The following AKAP17A variants were observed in gnomAD, a reference collection of about 807,000 sequenced individuals.
AKAP17A encodes A-kinase anchoring protein 17A.
AKAP17A carries 15 observed loss-of-function variants against 52.2 expected under a neutral mutation model. That is an observed-to-expected ratio of 0.29 (90% CI 0.19 to 0.44). The LOEUF is 0.44. Ranked by LOEUF, AKAP17A falls within the 20% of genes least tolerant of loss-of-function variation. AKAP17A has a pLI of 1.00. For missense variants in AKAP17A, 1,060 were observed against 1,007.0 expected, an observed-to-expected ratio of 1.05 and a Z score of -0.71; for synonymous variants, 514 against 424.7, an observed-to-expected ratio of 1.21 and a Z score of -2.58.
chrX:1,599,536 C>T (rs1484090761), intron 4 of AKAP17A, 104 bp downstream of exon 4: 1 of 1,489,768 alleles, frequency 6.7e-7, no homozygotes, highest in Admixed American at 2.0e-5. Flanking sequence ...CCGCCGGCTG[C>T]AGCTGTAGCT....
chrX:1,599,462 G>C lies in AKAP17A; in HGVS notation c.1152+30G>C, dbSNP rs760811575. On this transcript the variant is annotated intron_variant, in intron 4 of 4. Coordinates refer to ENST00000313871, the MANE Select transcript of AKAP17A (RefSeq NM_005088.3). ...CCGGGGGCTCCCTCTGCAGCCGCCA[G>C]CCGCGCCCGGGCTGCCCTCAGTGCC... 357 of 1,553,538 alleles carry C rather than the reference G, an allele frequency of 2.3e-4. 1 individual carries two copies. The South Asian group carries it at 4.1e-3, about 18-fold the overall frequency.
Position 1,600,604 on chromosome X carries a change from C to T in AKAP17A, c.1153-55C>T, listed in dbSNP as rs1201607479. On this transcript the variant is annotated intron_variant, in intron 4 of 4. Coordinates refer to ENST00000313871, the MANE Select transcript of AKAP17A (RefSeq NM_005088.3). ...AAACACCTTCCCAGCTCCTGTCCCA[C>T]GTGTCCGGCCAGGCTCAGGAACCGG... is the stretch of plus-strand genomic sequence containing the variant. 5.1e-5 allele frequency: 74 copies of T among 1,450,108 alleles called. No individual in the cohort carries two copies. The Admixed American group carries it at 8.4e-4, about 16-fold the overall frequency. 89.8% of individuals were successfully genotyped at this position (1,450,108 alleles called of 1,614,324 possible).
At chrX:1,599,167 A>G (rs1412914341) in intron 3 of AKAP17A, 25 bp from the exon 4 acceptor site, 38 of 1,605,366 alleles carry the variant, frequency 2.4e-5, no homozygotes, top group Non-Finnish European at 3.1e-5. Context: ...GCTCTCTGTG[A>G]CCACCCCCGG....
intron 4 of AKAP17A, 135 bp from the exon 5 acceptor site, chrX:1,600,523 CT>C (rs1355969217): frequency 2.1e-6 from 2 of 938,328 alleles, no homozygotes; most frequent in Non-Finnish European, 3.1e-6. Context: ...CCCCCCACCC[CT>C]GGGCTGGAGT....
chrX:1,601,818 G>T lies in AKAP17A; in HGVS notation c.*224G>T, dbSNP rs1933403010. 1 of 420,824 alleles carries T rather than the reference G, an allele frequency of 2.4e-6. No homozygotes were observed. The allele number at this position is 420,824 out of a possible 1,614,324, so 26.1% of individuals were successfully genotyped here. A position where few individuals can be genotyped will look rare whatever the true frequency, so the allele number is the denominator to read the frequency against. ...TTGGCACTTCAGTTTCAAACACGTA[G>T]TCCTTTAAAACTTGATCCGATAGCT... On this transcript the variant is annotated 3_prime_UTR_variant, in exon 5 of 5. Coordinates refer to ENST00000313871, the MANE Select transcript of AKAP17A (RefSeq NM_005088.3).
Position 1,593,733 on chromosome X carries a change from T to C in AKAP17A, c.271T>C (p.Ser91Pro). The change falls in exon 2 of 5, where the codon TCT becomes CCT. Residue 91 changes from serine to proline, a missense_variant. Physicochemically the swap from Ser to Pro is moderately conservative, Grantham distance 74 (BLOSUM62 -1). Around this residue, in one of 2 missense-constraint regions of AKAP17A, gnomAD observed 267 missense variants for 377.1 expected, o/e 0.71. Coordinates refer to ENST00000313871, the MANE Select transcript of AKAP17A (RefSeq NM_005088.3). ...GGTGGAGAACAAGAGCCTGGTCAAG[T>C]CTTTTCTGGCCTGCCTGGACGGCAA... is the stretch of plus-strand genomic sequence containing the variant. ...GEVENKSLVK[S>P]FLACLDGKTI... 1.9e-6 allele frequency: 3 copies of C among 1,613,940 alleles called. No homozygotes were observed. Among genetic ancestry groups the C allele is most frequent in the Non-Finnish European group, 2.5e-6 (3 of 1,179,862 alleles).
At chrX:1,596,467 AGTG>A (rs1932987270) in intron 3 of AKAP17A, among the ~76,000 whole-genome samples, 1 of 70,676 alleles carries the variant, frequency 1.4e-5, no homozygotes, top group South Asian at 4.3e-4. Flanking sequence ...CCACCCTCCT[AGTG>A]AGGTGGATTC....
At chrX:1,599,779 CTGTG>C (rs1387183048) in intron 4 of AKAP17A, 1 of 605,356 alleles carries the variant, frequency 1.7e-6, no homozygotes, top group Non-Finnish European at 2.9e-6. Context: ...GCCCGCGCCT[CTGTG>C]TGTGGTCAGC....
In AKAP17A at chrX:1,601,232, C is replaced by T; in HGVS notation, c.1726C>T (p.Gln576Ter). The T allele has an allele frequency of 6.2e-7, 1 of 1,613,858 alleles. No individual in the cohort carries two copies. ...NVSRKDTRSE[Q>*]DKCNREPSKG... The stretch of plus-strand genomic sequence containing the variant: ...CTCCAGAAAGGACACCCGGTCAGAA[C>T]AGGACAAGTGCAACCGGGAGCCCAG... The change falls in exon 5 of 5, where the codon CAG becomes TAG. Residue 576 changes from glutamine (Q) to a stop codon, truncating the protein, a stop_gained. Coordinates refer to ENST00000313871, the MANE Select transcript of AKAP17A (RefSeq NM_005088.3). LOFTEE classifies it high-confidence loss of function.
At position 1,601,120 on chromosome X, in the gene AKAP17A, A is replaced by T. The variant is rs768779583; in HGVS notation, c.1614A>T (p.Pro538=). The T allele has an allele frequency of 6.2e-7, 1 of 1,613,884 alleles. No individual in the cohort carries two copies. The highest frequency in any genetic ancestry group is 1.1e-5 in the South Asian group (1 of 91,080). Residue 538 remains proline (P), a synonymous_variant, in exon 5 of 5, where the codon CCA becomes CCT. Coordinates refer to ENST00000313871, the MANE Select transcript of AKAP17A (RefSeq NM_005088.3). ...GTGTGGTCCCCGAGGATGGCTCTCC[A>T]GAGAAGAGGTGCCCGGGCGGCGTCC... ...SCRVVPEDGS[P]EKRCPGGVLS...
At chrX:1,597,163 G>T (rs1289935601) in intron 3 of AKAP17A, among the ~76,000 whole-genome samples, 1 of 151,570 alleles carries the variant, frequency 6.6e-6, no homozygotes, top group Non-Finnish European at 1.5e-5. Flanking sequence ...GGTGATGTTT[G>T]CACGAGAGTC....
chrX:1,597,210 C>T (rs750853053), intron 3 of AKAP17A, among the ~76,000 whole-genome samples: 7 of 152,304 alleles, frequency 4.6e-5, no homozygotes, highest in Non-Finnish European at 7.4e-5. Flanking sequence ...CCATCCTGCC[C>T]GTGGTGTTCT....
chrX:1,593,053 G>C (rs1403004902), intron 1 of AKAP17A, among the ~76,000 whole-genome samples: 3 of 152,040 alleles, frequency 2.0e-5, no homozygotes, highest in Non-Finnish European at 4.4e-5. Context: ...GTGTCTCTCT[G>C]CCCCTTCCCG....
At chrX:1,595,575 C>G (rs1182167799) in intron 3 of AKAP17A, 43 bp downstream of exon 3, 1 of 1,611,956 alleles carries the variant, frequency 6.2e-7, no homozygotes, top group South Asian at 1.1e-5. Context: ...GTGTCCGGCA[C>G]CTGGGAGTGT....
At position 1,601,141 on chromosome X, in the gene AKAP17A, C is replaced by T. The variant is rs766701915; in HGVS notation, c.1635C>T (p.Gly545=). ...DGSPEKRCPG[G]VLSCIPDNNQ... is the part of the protein sequence containing the mutation. ...CTCCAGAGAAGAGGTGCCCGGGCGG[C>T]GTCCTCTCCTGCATTCCTGACAACA... is the stretch of plus-strand genomic sequence containing the variant. The change falls in exon 5 of 5, where the codon GGC becomes GGT. Residue 545 remains glycine, a synonymous_variant. Coordinates refer to ENST00000313871, the MANE Select transcript of AKAP17A (RefSeq NM_005088.3). 35 of 1,613,778 alleles carry T rather than the reference C, an allele frequency of 2.2e-5. No individual in the cohort carries two copies. The highest frequency in any genetic ancestry group is 6.7e-5 in the African/African-American group (5 of 74,916).
intron 1 of AKAP17A, 97 bp from the exon 2 acceptor site, chrX:1,593,347 T>G: frequency 8.0e-7 from 1 of 1,246,446 alleles, no homozygotes; most frequent in East Asian, 2.3e-5. Flanking sequence ...GCTGTTTCTC[T>G]TCTCCGGGTC....
chrX:1,600,954 C>T lies in AKAP17A; in HGVS notation c.1448C>T (p.Thr483Met), dbSNP rs371247651. The part of the protein sequence containing the change: ...TVSSGCVSAT[T>M]LHPLGGQPPA... Reference sequence around the variant, plus strand: ...TCGTCCGGCTGTGTGAGCGCCACCACGCTGCACCCCCTCGGGGGCCAGCCC... The same window carrying T: ...TCGTCCGGCTGTGTGAGCGCCACCATGCTGCACCCCCTCGGGGGCCAGCCC... Residue 483 changes from threonine to methionine, a missense_variant, in exon 5 of 5, where the codon ACG becomes ATG. Transcript: ENST00000313871. 2.6e-4 allele frequency: 411 copies of T among 1,585,792 alleles called. 1 individual carries two copies. Among genetic ancestry groups the T allele is most frequent in the Non-Finnish European group, 3.1e-4 (363 of 1,168,336 alleles).
intron 3 of AKAP17A, among the ~76,000 whole-genome samples, 199 bp downstream of exon 3, chrX:1,595,731 C>G (rs1439160920): frequency 6.6e-6 from 1 of 151,480 alleles, no homozygotes; most frequent in African/African-American, 2.4e-5. Flanking sequence ...CTATGTGCGC[C>G]CGAGTGTGTG....
Position 1,599,219 on chromosome X carries a change from G to A in AKAP17A, c.939G>A (p.Glu313=), listed in dbSNP as rs1209521300. The A allele has an allele frequency of 3.1e-6, 5 of 1,612,316 alleles. No homozygotes were observed. Among genetic ancestry groups the A allele is most frequent in the Non-Finnish European group, 4.2e-6 (5 of 1,179,852 alleles). The change falls in exon 4 of 5, where the codon GAG becomes GAA. Residue 313 remains glutamate (E), a synonymous_variant. Coordinates refer to ENST00000313871, the MANE Select transcript of AKAP17A (RefSeq NM_005088.3). ...ERKQKELEEL[E]RERKREEKLR... is the part of the protein sequence containing the mutation. ...AACAAAAGGAGCTGGAAGAGCTGGAGCGAGAGAGGAAAAGAGAAGAGAAGC... is the reference window on the plus strand; with the variant it reads ...AACAAAAGGAGCTGGAAGAGCTGGAACGAGAGAGGAAAAGAGAAGAGAAGC...
Sources: allele counts gnomAD v4.1 joint callset (sites outside exome capture counted in the v4.1 genomes callset), GRCh38; gene constraint gnomAD v4.1.1; regional missense constraint gnomAD v4.1.1; transcripts MANE v1.5; gene names NCBI Gene and HGNC (gene_info 2026-07-23, HGNC 2026-07-21).